The following DPYD variants were observed in gnomAD, a reference collection of about 807,000 sequenced individuals.
DPYD encodes dihydropyrimidine dehydrogenase.
In DPYD, 109 loss-of-function variants were observed where a neutral mutation model predicts 116.2. The ratio of observed to expected loss-of-function variants is 0.94; its 90% CI spans 0.80 to 1.10. The LOEUF is 1.10. Among genes scored for constraint, DPYD ranks in the 50% least tolerant of loss-of-function variants. DPYD has a pLI of 0.00. For missense variants in DPYD, 1,302 were observed against 1,254.5 expected, an observed-to-expected ratio of 1.04 and a Z score of -0.57; for synonymous variants, 440 against 432.0, an observed-to-expected ratio of 1.02 and a Z score of -0.23.
At chr1:97,515,523 T>C (rs1648150769) in intron 13 of DPYD, among the ~76,000 whole-genome samples, 1 of 151,894 alleles carries the variant, frequency 6.6e-6, no homozygotes, top group Non-Finnish European at 1.5e-5. Flanking sequence ...TCCTAGACAA[T>C]ACTAAATGAG....
intron 2 of DPYD, among the ~76,000 whole-genome samples, chr1:97,862,586 T>G (rs1455670485): frequency 6.6e-6 from 1 of 151,902 alleles, no homozygotes; most frequent in African/African-American, 2.4e-5. Context: ...TGTTTATTTC[T>G]TTATTGTTCA....
chr1:97,575,882 G>A (rs905437772), intron 10 of DPYD, among the ~76,000 whole-genome samples: 7 of 152,104 alleles, frequency 4.6e-5, no homozygotes, highest in African/African-American at 1.7e-4. Flanking sequence ...AGAAGGCTAT[G>A]TACTCATAGT....
intron 10 of DPYD, chr1:97,586,438 G>A (rs1654102732): frequency 7.8e-6 from 1 of 128,392 alleles, no homozygotes; most frequent in Non-Finnish European, 1.6e-5. Flanking sequence ...ATGAATCTGT[G>A]GGCTTATCTG....
rs576219013 is a variant in DPYD, at chr1:97,212,576, G to A, written c.2443-19328C>T. 9.9e-5 allele frequency among the ~76,000 whole-genome samples: 15 copies of A among 152,110 alleles called. No individual in the cohort carries two copies. The South Asian group carries it at 2.9e-3, about 29-fold the overall frequency. ...TGGATATATATATTTATTTGTCTGAGATAGATGATGTGGAGTGGAATTTCC... is the reference window on the plus strand; with the variant it reads ...TGGATATATATATTTATTTGTCTGAAATAGATGATGTGGAGTGGAATTTCC... On this transcript the variant is annotated intron_variant, in intron 19 of 22. Transcript: ENST00000370192.
intron 20 of DPYD, among the ~76,000 whole-genome samples, 199 bp from the exon 21 acceptor site, chr1:97,098,831 C>A (rs1211596963): frequency 6.6e-6 from 1 of 151,870 alleles, no homozygotes; most frequent in Admixed American, 6.6e-5. Context: ...AAAAAGAACA[C>A]AACAGTACAA....
chr1:97,791,915 C>A (rs998830862), intron 3 of DPYD, among the ~76,000 whole-genome samples: 12 of 152,072 alleles, frequency 7.9e-5, no homozygotes, highest in East Asian at 3.9e-4. Context: ...AAGAAAAAAA[C>A]CCAAATATTG....
intron 3 of DPYD, among the ~76,000 whole-genome samples, chr1:97,743,930 C>A (rs555962579): frequency 1.3e-5 from 2 of 152,050 alleles, no homozygotes; most frequent in East Asian, 1.9e-4. Context: ...CATTTTCCCC[C>A]AAATAGTTGT....
chr1:97,294,506 T>C (rs1037209338), intron 18 of DPYD, among the ~76,000 whole-genome samples: 1 of 152,118 alleles, frequency 6.6e-6, no homozygotes, highest in African/African-American at 2.4e-5. Context: ...GCAAGCTCAG[T>C]TGAAATTATA....
intron 10 of DPYD, among the ~76,000 whole-genome samples, chr1:97,592,467 C>T (rs534867256): frequency 3.9e-5 from 6 of 152,070 alleles, no homozygotes; most frequent in Non-Finnish European, 8.8e-5. Context: ...CCCGGGTTCA[C>T]GCCATTCTCC....
At chr1:97,887,862 G>A (rs1333439270) in intron 1 of DPYD, among the ~76,000 whole-genome samples, 4 of 151,972 alleles carry the variant, frequency 2.6e-5, no homozygotes, top group Non-Finnish European at 4.4e-5. Context: ...GAGTTCTCAC[G>A]ATATGTGATG....
intron 20 of DPYD, among the ~76,000 whole-genome samples, chr1:97,129,233 T>G (rs1215131820): frequency 6.6e-6 from 1 of 152,100 alleles, no homozygotes; most frequent in Middle Eastern, 3.4e-3. Flanking sequence ...CCAGCTAATT[T>G]TTTGTATTTT....
chr1:97,746,386 C>T (rs1664554998), intron 3 of DPYD, among the ~76,000 whole-genome samples: 2 of 152,040 alleles, frequency 1.3e-5, no homozygotes, highest in South Asian at 4.1e-4. Context: ...GCATAAGAAA[C>T]CACAACCCCA....
At chr1:97,655,738 A>C (rs1658866654) in intron 8 of DPYD, among the ~76,000 whole-genome samples, 1 of 152,268 alleles carries the variant, frequency 6.6e-6, no homozygotes, top group Admixed American at 6.5e-5. Context: ...CCCCGCCCCA[A>C]CCAAGGGAAA....
intron 14 of DPYD, among the ~76,000 whole-genome samples, chr1:97,437,013 A>G (rs576654148): frequency 2.0e-5 from 3 of 151,840 alleles, no homozygotes; most frequent in Non-Finnish European, 2.9e-5. Context: ...ATGTTATATA[A>G]AGAATAAAAT....
chr1:97,907,234 T>C (rs1164349330), intron 1 of DPYD, among the ~76,000 whole-genome samples: 2 of 152,096 alleles, frequency 1.3e-5, no homozygotes, highest in Admixed American at 6.6e-5. Context: ...AAAGCAAAAA[T>C]TGGATGAAGG....
At chr1:97,364,088 ACT>A (rs1670900797) in intron 16 of DPYD, among the ~76,000 whole-genome samples, 1 of 152,220 alleles carries the variant, frequency 6.6e-6, no homozygotes, top group African/African-American at 2.4e-5. Context: ...GAGAAAAGAT[ACT>A]GTTATCCCTT....
At chr1:97,736,456 C>T (rs1384011628) in intron 4 of DPYD, among the ~76,000 whole-genome samples, 2 of 151,510 alleles carry the variant, frequency 1.3e-5, no homozygotes, top group Non-Finnish European at 2.9e-5. Context: ...AGTAGAACGG[C>T]TTCCACATGG....
chr1:97,759,169 T>C (rs1013332887), intron 3 of DPYD, among the ~76,000 whole-genome samples: 3 of 152,182 alleles, frequency 2.0e-5, no homozygotes, highest in Admixed American at 6.6e-5. Flanking sequence ...CCAGTCTGTA[T>C]ACCAGCGTTA....
chr1:97,265,019 T>C (rs562127287), intron 18 of DPYD, among the ~76,000 whole-genome samples: 1 of 152,276 alleles, frequency 6.6e-6, no homozygotes, highest in Admixed American at 6.5e-5. Context: ...CAATAGATAG[T>C]AATAGCAAGA....
Sources: allele counts gnomAD v4.1 joint callset (sites outside exome capture counted in the v4.1 genomes callset), GRCh38; gene constraint gnomAD v4.1.1; transcripts MANE v1.5; gene names NCBI Gene and HGNC (gene_info 2026-07-23, HGNC 2026-07-21).